The following FCHO2 variants were observed in gnomAD, a reference collection of about 807,000 sequenced individuals.
FCHO2 encodes FCH and mu domain containing endocytic adaptor 2.
Under a neutral mutation model 114.1 loss-of-function variants are expected in FCHO2, and 43 were observed. The observed-to-expected ratio is 0.38, with a 90% CI of 0.30 to 0.49. The LOEUF is 0.49. Ranked by LOEUF, FCHO2 falls within the 20% of genes least tolerant of loss-of-function variation. FCHO2 has a pLI of 0.97. For missense variants in FCHO2, 807 were observed against 950.4 expected, an observed-to-expected ratio of 0.85 and a Z score of 1.98; for synonymous variants, 293 against 315.2, an observed-to-expected ratio of 0.93 and a Z score of 0.75.
At chr5:73,020,745 C>T (rs368788528) in intron 8 of FCHO2, 11 of 1,174,840 alleles carry the variant, frequency 9.4e-6, no homozygotes, top group African/African-American at 7.5e-5. Flanking sequence ...CCACCTTCTC[C>T]AAAACCTTAA....
chr5:73,020,327 G>T (rs1485707171), intron 8 of FCHO2, among the ~76,000 whole-genome samples: 1 of 152,216 alleles, frequency 6.6e-6, no homozygotes, highest in African/African-American at 2.4e-5. Context: ...CTAGAGGGAA[G>T]GCAGTAGGGC....
intron 19 of FCHO2, among the ~76,000 whole-genome samples, chr5:73,074,306 G>C (rs1401932857): frequency 6.6e-6 from 1 of 151,918 alleles, no homozygotes; most frequent in Non-Finnish European, 1.5e-5. Flanking sequence ...TAATAATAAT[G>C]AGTAGTGTAT....
rs1336983280 is a variant in FCHO2 at position 73,089,489 on chromosome 5, A to C, written c.*1399A>C. 6.6e-6 allele frequency: 1 copy of C among 152,292 alleles called. No individual in the cohort carries two copies. Among genetic ancestry groups the C allele is most frequent in the Non-Finnish European group, 1.5e-5 (1 of 67,940 alleles). 9.4% of individuals were successfully genotyped at this position (152,292 alleles called of 1,614,324 possible). ...ATTATTTGAAGTGATATATTTGGTTAAACATTTCTAAAAATAAACTACCAA... is the reference window on the plus strand; with the variant it reads ...ATTATTTGAAGTGATATATTTGGTTCAACATTTCTAAAAATAAACTACCAA... On this transcript the variant is annotated 3_prime_UTR_variant, in exon 26 of 26. Transcript: ENST00000430046.
At chr5:73,067,674 C>G (rs1742420775) in intron 18 of FCHO2, among the ~76,000 whole-genome samples, 1 of 151,780 alleles carries the variant, frequency 6.6e-6, no homozygotes, top group African/African-American at 2.4e-5. Flanking sequence ...TTCTTGTTCA[C>G]AGCTTTGTAT....
chr5:73,056,175 C>T, intron 16 of FCHO2, 68 bp downstream of exon 16: 1 of 1,227,066 alleles, frequency 8.1e-7, no homozygotes, highest in South Asian at 1.5e-5. Context: ...TGATTTATGG[C>T]AAAATTGAAT....
chr5:73,052,606 G>A (rs1757391716), intron 13 of FCHO2, 99 bp downstream of exon 13: 1 of 944,486 alleles, frequency 1.1e-6, no homozygotes, highest in Non-Finnish European at 1.6e-6. Flanking sequence ...TAAGCATGTT[G>A]ACTGAGGAAA....
intron 18 of FCHO2, among the ~76,000 whole-genome samples, chr5:73,067,508 T>C (rs1370926908): frequency 6.6e-6 from 1 of 152,102 alleles, no homozygotes; most frequent in Non-Finnish European, 1.5e-5. Flanking sequence ...GGTTACAAAT[T>C]GTAAAACACT....
At chr5:73,050,511 G>T (rs1376780258) in intron 11 of FCHO2, among the ~76,000 whole-genome samples, 3 of 151,888 alleles carry the variant, frequency 2.0e-5, no homozygotes, top group Non-Finnish European at 4.4e-5. Context: ...TAGAGATGGA[G>T]TTTCACCATT....
intron 2 of FCHO2, among the ~76,000 whole-genome samples, chr5:72,988,733 G>A (rs1753667842): frequency 6.6e-6 from 1 of 152,158 alleles, no homozygotes; most frequent in South Asian, 2.1e-4. Flanking sequence ...TCTATTAAAT[G>A]TGCATCACAG....
chr5:72,999,510 G>A (rs1260872435), intron 5 of FCHO2, among the ~76,000 whole-genome samples: 3 of 150,636 alleles, frequency 2.0e-5, no homozygotes, highest in Admixed American at 6.7e-5. Flanking sequence ...AGCCTCCCAA[G>A]TACCTGGGAT....
At chr5:72,987,494 T>C (rs773231469) in intron 2 of FCHO2, among the ~76,000 whole-genome samples, 11 of 151,996 alleles carry the variant, frequency 7.2e-5, no homozygotes, top group Non-Finnish European at 1.5e-4. Context: ...CCCACCACCA[T>C]GCTCAGCTAA....
intron 5 of FCHO2, among the ~76,000 whole-genome samples, chr5:72,996,354 G>A (rs1411497170): frequency 1.3e-5 from 2 of 151,892 alleles, no homozygotes; most frequent in African/African-American, 4.8e-5. Context: ...ATTGAGTCTT[G>A]AAGCTAGGTG....
intron 8 of FCHO2, among the ~76,000 whole-genome samples, chr5:73,018,797 A>G (rs1275970399): frequency 6.6e-6 from 1 of 152,178 alleles, no homozygotes; most frequent in Admixed American, 6.5e-5. Context: ...CAGCCCAGCT[A>G]CTTCCCTGTT....
chr5:73,034,738 C>T (rs1302353940), intron 9 of FCHO2, 37 bp downstream of exon 9: 2 of 1,507,462 alleles, frequency 1.3e-6, no homozygotes, highest in Non-Finnish European at 1.8e-6. Context: ...ATGCACATGG[C>T]AGCTAGCTAG....
chr5:72,987,525 A>G (rs1343467440), intron 2 of FCHO2, among the ~76,000 whole-genome samples: 1 of 151,978 alleles, frequency 6.6e-6, no homozygotes, highest in South Asian at 2.1e-4. Flanking sequence ...TTTAGTACAG[A>G]CGGGGTTTCA....
At chr5:72,962,408 T>C (rs1002339655) in intron 1 of FCHO2, among the ~76,000 whole-genome samples, 2 of 152,200 alleles carry the variant, frequency 1.3e-5, no homozygotes, top group South Asian at 4.1e-4. Context: ...ATGTGGCTAA[T>C]ATAAGCCCTT....
At chr5:72,964,797 C>T (rs1418745504) in intron 1 of FCHO2, among the ~76,000 whole-genome samples, 1 of 152,054 alleles carries the variant, frequency 6.6e-6, no homozygotes, top group Non-Finnish European at 1.5e-5. Flanking sequence ...CGGTTGTCTC[C>T]CCATCCATAA....
chr5:73,058,199 T>C (rs1757690508), intron 16 of FCHO2, among the ~76,000 whole-genome samples: 1 of 151,850 alleles, frequency 6.6e-6, no homozygotes, highest in Non-Finnish European at 1.5e-5. Context: ...TTGTGTATAT[T>C]GGGTCTTGCT....
In FCHO2 at chr5:73,021,010, G is replaced by A. The variant is rs377120461; in HGVS notation, c.796+3702G>A. 504 of 1,464,776 alleles carry A rather than the reference G, an allele frequency of 3.4e-4. 1 individual carries two copies. In the African/African-American group the frequency reaches 5.6e-3, roughly 16 times the overall value. The allele number at this position is 1,464,776 out of a possible 1,614,324, so 90.7% of individuals were successfully genotyped here. On this transcript the variant is annotated intron_variant, in intron 8 of 25. Transcript: ENST00000430046. ...TTTGCTCTTTTCATTATCCTCAATG[G>A]GGTGGAAATGAGCCAAAGTTCACAT...
Sources: allele counts gnomAD v4.1 joint callset (sites outside exome capture counted in the v4.1 genomes callset), GRCh38; gene constraint gnomAD v4.1.1; transcripts MANE v1.5; gene names NCBI Gene and HGNC (gene_info 2026-07-23, HGNC 2026-07-21).